Variants in BCAM observed in about 807,000 individuals in gnomAD.
BCAM encodes the protein basal cell adhesion molecule.
BCAM carries 61 observed loss-of-function variants against 72.4 expected under a neutral mutation model. The ratio of observed to expected loss-of-function variants is 0.84; its 90% CI spans 0.69 to 1.04. The LOEUF (loss-of-function observed/expected upper bound fraction) is 1.04, where lower values mean the gene tolerates loss of function less well. Ranked by LOEUF, BCAM falls within the 50% of genes least tolerant of loss-of-function variation. The pLI is 0.00. For synonymous variants in BCAM, 408 were observed against 384.2 expected (o/e 1.06, Z -0.73); for missense variants, 909 against 895.0 (o/e 1.02, Z -0.20).
intron 8 of BCAM, among the ~76,000 whole-genome samples, chr19:44,815,016 T>G (rs949946317): frequency 6.6e-6 from 1 of 151,780 alleles, no homozygotes; most frequent in Admixed American, 6.6e-5. Flanking sequence ...GTGCTGGGAT[T>G]ACAGGAGTGA....
chr19:44,809,479 G>C (rs1968389135), intron 1 of BCAM, among the ~76,000 whole-genome samples: 1 of 151,980 alleles, frequency 6.6e-6, no homozygotes, highest in African/African-American at 2.4e-5. Flanking sequence ...GGTCCCACCT[G>C]CCTCCTCCCT....
rs781526566 is a variant in BCAM at position 44,818,864 on chromosome 19, T to G, written c.1318T>G (p.Phe440Val). ...TVPVLSRTQNFTLLVQGSPEL... is the reference protein window; with the variant it reads ...TVPVLSRTQNVTLLVQGSPEL... ...CCCGGTCCTCAGCCGCACCCAGAAC[T>G]TCACGCTGCTGGTCCAAGGTTCAGG... The change falls in exon 10 of 15, where the codon TTC becomes GTC. Residue 440 changes from phenylalanine to valine, a missense_variant. By Grantham distance (50) the Phe-to-Val change is conservative (BLOSUM62 -1). Transcript: ENST00000270233. This position sits in a 1 kb window ranked among gnomAD's most constrained non-coding sequence, Gnocchi z 4.6. 1.9e-6 allele frequency: 3 copies of G among 1,614,042 alleles called. No individual in the cohort carries two copies. In the South Asian group the frequency reaches 3.3e-5, roughly 18 times the overall value.
chr19:44,813,402 G>A lies in BCAM; in HGVS notation c.602-36G>A, dbSNP rs776283458. ...GGCTGGGGTGGGTGGCGGGGCTATGGCCTGGCTGACTGCCACCTCCCCCGA... is the reference window on the plus strand; with the variant it reads ...GGCTGGGGTGGGTGGCGGGGCTATGACCTGGCTGACTGCCACCTCCCCCGA... On this transcript the variant is annotated intron_variant, in intron 5 of 14. Transcript: ENST00000270233. The surrounding 1 kb of genome is among the most constrained non-coding windows in gnomAD (Gnocchi z 4.2). 55 of 1,608,026 alleles carry A rather than the reference G, an allele frequency of 3.4e-5. 2 individuals are homozygous for A. The Admixed American group carries it at 8.4e-4, about 24-fold the overall frequency.
chr19:44,813,253 G>A lies in BCAM; in HGVS notation c.508G>A (p.Ala170Thr), dbSNP rs773224737. The change falls in exon 5 of 15, where the codon GCC becomes ACC. Residue 170 changes from alanine (A) to threonine (T), a missense_variant. Ala to Thr is a moderately conservative substitution (Grantham distance 58). Coordinates refer to ENST00000270233, the MANE Select transcript of BCAM (RefSeq NM_005581.5). This position sits in a 1 kb window ranked among gnomAD's most constrained non-coding sequence, Gnocchi z 4.2. Reference sequence around the variant, plus strand: ...GCCATGCCCGTGTCTGCCTCAGATCGCCACCTGCAACAGCCGGAACGGGAA... The same window carrying A: ...GCCATGCCCGTGTCTGCCTCAGATCACCACCTGCAACAGCCGGAACGGGAA... ...SVMEDSAQEI[A>T]TCNSRNGNPA... 16 of 1,613,850 alleles carry A rather than the reference G, an allele frequency of 9.9e-6. No homozygotes were observed. The highest frequency in any genetic ancestry group is 1.6e-4 in the Middle Eastern group (1 of 6,084).
chr19:44,820,891 G>A (rs1467629210), intron 14 of BCAM, 25 bp from the exon 15 acceptor site: 3 of 1,558,906 alleles, frequency 1.9e-6, no homozygotes, highest in Non-Finnish European at 1.7e-6. Context: ...GTGGGCACAG[G>A]CTGACCTCTC....
chr19:44,815,796 G>A (rs1363487001), intron 8 of BCAM, among the ~76,000 whole-genome samples: 1 of 152,026 alleles, frequency 6.6e-6, no homozygotes, highest in East Asian at 1.9e-4. Context: ...TATGAGCCTA[G>A]GAGTTTGAGG....
intron 11 of BCAM, 39 bp from the exon 12 acceptor site, chr19:44,819,301 CACCCCT>C (rs773032810): frequency 1.2e-6 from 2 of 1,612,540 alleles, no homozygotes; most frequent in Non-Finnish European, 1.7e-6. Context: ...CCCTTGACCC[CACCCCT>C]TGACCCCACC....
Position 44,814,185 on chromosome 19 carries a change from G to A in BCAM, c.818G>A (p.Ser273Asn). Residue 273 changes from serine (S) to asparagine (N), a missense_variant, in exon 7 of 15, where the codon AGC (serine) becomes AAC (asparagine). Ser to Asn is a conservative substitution (Grantham distance 46). Coordinates refer to ENST00000270233, the MANE Select transcript of BCAM (RefSeq NM_005581.5). This position sits in a 1 kb window ranked among gnomAD's most constrained non-coding sequence, Gnocchi z 4.6. ...GAGCACGTGCAGTTCTGGGTGGGCA[G>A]CCCGTCCACCCCAGCAGGCTGGGTA... ...PTEHVQFWVG[S>N]PSTPAGWVRE... 1 of 1,581,050 alleles carries A rather than the reference G, an allele frequency of 6.3e-7. No homozygotes were observed. The highest frequency in any genetic ancestry group is 1.1e-5 in the South Asian group (1 of 87,978).
chr19:44,812,198 G>C lies in BCAM; in HGVS notation c.240G>C (p.Ser80=), dbSNP rs779970171. Residue 80 remains serine, a synonymous_variant, in exon 3 of 15, where the codon TCG becomes TCC. Transcript: ENST00000270233. This position sits in a 1 kb window ranked among gnomAD's most constrained non-coding sequence, Gnocchi z 5.3. The part of the protein sequence containing the change: ...DRSGARPRLA[S]AEMQGSELQV... ...CGGGAGCTCGCCCCCGCCTAGCCTC[G>C]GCTGAGATGCAGGGCTCTGAGCTCC... The C allele has an allele frequency of 6.2e-7, 1 of 1,604,916 alleles. No individual in the cohort carries two copies. The highest frequency in any genetic ancestry group is 8.5e-7 in the Non-Finnish European group (1 of 1,177,890).
intron 1 of BCAM, 101 bp from the exon 2 acceptor site, chr19:44,811,124 G>A: frequency 6.4e-7 from 1 of 1,566,028 alleles, no homozygotes; most frequent in Non-Finnish European, 8.7e-7. Flanking sequence ...GAGGGAGGAG[G>A]GGCTGGGACC....
rs1445040425 is a variant in BCAM, at chr19:44,814,325, C to CA, written c.921+38dup. The stretch of plus-strand genomic sequence containing the variant: ...AAGGGTCCCTCTGGGATCCACCCCC[C>CA]AGCCCCTGACCTCTGTGACCTGCTA... On this transcript the variant is annotated intron_variant, in intron 7 of 14. Coordinates refer to ENST00000270233, the MANE Select transcript of BCAM (RefSeq NM_005581.5). This position sits in a 1 kb window ranked among gnomAD's most constrained non-coding sequence, Gnocchi z 4.6. 1 of 1,568,904 alleles carries CA rather than the reference C, an allele frequency of 6.4e-7. No individual in the cohort carries two copies. The highest frequency in any genetic ancestry group is 1.2e-5 in the South Asian group (1 of 85,482).
chr19:44,817,362 G>A (rs538232228), intron 8 of BCAM, among the ~76,000 whole-genome samples: 1 of 152,196 alleles, frequency 6.6e-6, no homozygotes, highest in Non-Finnish European at 1.5e-5. Context: ...CAAGAGAACG[G>A]GGTAGCTGGG....
At chr19:44,820,679 C>T (rs1045629499) in intron 13 of BCAM, 26 bp from the exon 14 acceptor site, 1 of 1,399,902 alleles carries the variant, frequency 7.1e-7, no homozygotes, top group Non-Finnish European at 9.3e-7. Context: ...AACACGACGC[C>T]TCCGCCCGCT....
In BCAM at chr19:44,818,867, A is replaced by G; in HGVS notation, c.1321A>G (p.Thr441Ala). ...GGTCCTCAGCCGCACCCAGAACTTC[A>G]CGCTGCTGGTCCAAGGTTCAGGGGG... ...VPVLSRTQNF[T>A]LLVQGSPELK... Residue 441 changes from threonine to alanine, a missense_variant, in exon 10 of 15, where the codon ACG becomes GCG. Coordinates refer to ENST00000270233, the MANE Select transcript of BCAM (RefSeq NM_005581.5). The surrounding 1 kb of genome is among the most constrained non-coding windows in gnomAD (Gnocchi z 4.6). 1 of 1,613,732 alleles carries G rather than the reference A, an allele frequency of 6.2e-7. No homozygotes were observed. Among genetic ancestry groups the G allele is most frequent in the Non-Finnish European group, 8.5e-7 (1 of 1,179,886 alleles).
Position 44,820,002 on chromosome 19 carries a change from A to T in BCAM, c.1763+276A>T, listed in dbSNP as rs971142374. On this transcript the variant is annotated intron_variant, in intron 13 of 14. Transcript: ENST00000270233. Reference sequence around the variant, plus strand: ...CCATCCCCAAGCCAAACTCAACACCATCCCCTTCCCTAATCACCTCTCCTG... The same window carrying T: ...CCATCCCCAAGCCAAACTCAACACCTTCCCCTTCCCTAATCACCTCTCCTG... 221 of 1,270,050 alleles carry T rather than the reference A, an allele frequency of 1.7e-4. 1 individual carries two copies. The African/African-American group carries it at 3.3e-3, about 19-fold the overall frequency. 78.7% of individuals were successfully genotyped at this position (1,270,050 alleles called of 1,614,324 possible). A position where few individuals can be genotyped will look rare whatever the true frequency, so the allele number is the denominator to read the frequency against.
rs1968467278 is a variant in BCAM, at chr19:44,814,001, G to A, written c.785-151G>A. The A allele has an allele frequency of 9.4e-7, 1 of 1,059,798 alleles. No homozygotes were observed. Among genetic ancestry groups the A allele is most frequent in the East Asian group, 2.5e-5 (1 of 39,860 alleles). 65.6% of individuals were successfully genotyped at this position (1,059,798 alleles called of 1,614,324 possible). A position where few individuals can be genotyped will look rare whatever the true frequency, so the allele number is the denominator to read the frequency against. The stretch of plus-strand genomic sequence containing the variant: ...TTCAACCTCTGAACTCTGGCACTCA[G>A]AATAATTGTGAACCTGAGGCTTGAA... On this transcript the variant is annotated intron_variant, in intron 6 of 14. Transcript: ENST00000270233. The surrounding 1 kb of genome is among the most constrained non-coding windows in gnomAD (Gnocchi z 4.6).
At chr19:44,809,279 G>T in intron 1 of BCAM, 73 bp downstream of exon 1, 1 of 1,274,846 alleles carries the variant, frequency 7.8e-7, no homozygotes, top group South Asian at 2.0e-5. Flanking sequence ...GAGGAGAAAG[G>T]GCTTTACCCT....
At chr19:44,811,001 G>T (rs1473654923) in intron 1 of BCAM, among the ~76,000 whole-genome samples, 1 of 150,546 alleles carries the variant, frequency 6.6e-6, no homozygotes, top group Non-Finnish European at 1.5e-5. Context: ...AGACTCCTGG[G>T]TCTGAGGGAG....
At position 44,813,400 on chromosome 19, in the gene BCAM, T is replaced by C. The variant is rs1181727357; in HGVS notation, c.602-38T>C. 8.7e-6 allele frequency: 14 copies of C among 1,608,166 alleles called. No individual in the cohort carries two copies. The highest frequency in any genetic ancestry group is 8.5e-7 in the Non-Finnish European group (1 of 1,177,002). ...TGGGCTGGGGTGGGTGGCGGGGCTA[T>C]GGCCTGGCTGACTGCCACCTCCCCC... On this transcript the variant is annotated intron_variant, in intron 5 of 14. Transcript: ENST00000270233. The surrounding 1 kb of genome is among the most constrained non-coding windows in gnomAD (Gnocchi z 4.2).
Sources: allele counts gnomAD v4.1 joint callset (sites outside exome capture counted in the v4.1 genomes callset), GRCh38; gene constraint gnomAD v4.1.1; non-coding constraint Gnocchi (gnomAD v3.1); transcripts MANE v1.5; gene names NCBI Gene and HGNC (gene_info 2026-07-23, HGNC 2026-07-21).